The following MYO9A variants were observed in gnomAD, a reference collection of about 807,000 sequenced individuals.
MYO9A encodes unconventional myosin-IXa.
MYO9A carries 103 observed loss-of-function variants against 293.3 expected under a neutral mutation model. That is an observed-to-expected ratio of 0.35 (90% confidence interval 0.30 to 0.41). The LOEUF is 0.41. Among genes scored for constraint, MYO9A ranks in the 10% least tolerant of loss-of-function variants. MYO9A has a pLI of 1.00. For missense variants in MYO9A, 2,685 were observed against 3,033.0 expected (o/e 0.89, Z 2.69); for synonymous variants, 1,001 against 1,035.7 (o/e 0.97, Z 0.64).
At chr15:71,876,976 A>G (rs1241057808) in intron 31 of MYO9A, among the ~76,000 whole-genome samples, 3 of 152,208 alleles carry the variant, frequency 2.0e-5, no homozygotes, top group Non-Finnish European at 4.4e-5. Flanking sequence ...CTAGAACTGA[A>G]GAACTGTCCA....
chr15:72,056,054 C>T (rs1372154344), intron 1 of MYO9A, among the ~76,000 whole-genome samples: 1 of 152,070 alleles, frequency 6.6e-6, no homozygotes, highest in East Asian at 1.9e-4. Flanking sequence ...ATGGCGAAAC[C>T]CCATCCCTAA....
rs1262346051 is a variant in MYO9A, at chr15:71,841,366, A to AT, written c.6837+7478dup. Reference sequence around the variant, plus strand: ...GATGTTGGATTTTGGGTTCAGATATATTTTTTATCATGCTAAGAATGTAAG... The same window carrying AT: ...GATGTTGGATTTTGGGTTCAGATATATTTTTTTATCATGCTAAGAATGTAAG... On this transcript the variant is annotated intron_variant, in intron 39 of 41. Transcript: ENST00000356056. 3.3e-5 allele frequency among the ~76,000 whole-genome samples: 5 copies of AT among 152,126 alleles called. No individual in the cohort carries two copies. In the South Asian group the frequency reaches 1.0e-3, roughly 31 times the overall value.
intron 1 of MYO9A, among the ~76,000 whole-genome samples, chr15:72,105,224 CTCTTT>C (rs1226123501): frequency 6.6e-6 from 1 of 151,950 alleles, no homozygotes; most frequent in Non-Finnish European, 1.5e-5. Context: ...TTCCTTTTTT[CTCTTT>C]TAAGAGACAG....
chr15:71,944,699 T>C (rs1390792771), intron 15 of MYO9A, among the ~76,000 whole-genome samples: 3 of 151,932 alleles, frequency 2.0e-5, no homozygotes, highest in Non-Finnish European at 4.4e-5. Context: ...ATTTGGTTCA[T>C]TAATCCATTG....
intron 31 of MYO9A, among the ~76,000 whole-genome samples, chr15:71,877,352 A>C (rs1312698362): frequency 1.3e-5 from 2 of 152,240 alleles, no homozygotes; most frequent in Non-Finnish European, 2.9e-5. Flanking sequence ...TTTTCCTAAA[A>C]CCTAATTCAA....
intron 39 of MYO9A, among the ~76,000 whole-genome samples, chr15:71,837,140 A>C (rs907191484): frequency 6.6e-6 from 1 of 152,088 alleles, no homozygotes. Flanking sequence ...TGAGTTTGGC[A>C]AGAAAGAAAG....
At chr15:72,101,877 C>G (rs1417102776) in intron 1 of MYO9A, among the ~76,000 whole-genome samples, 2 of 150,186 alleles carry the variant, frequency 1.3e-5, no homozygotes, top group Non-Finnish European at 2.9e-5. Flanking sequence ...GGGGGGTCAG[C>G]CCCCGACCGG....
rs1165071714 is a variant in MYO9A at position 71,826,570 on chromosome 15, A to G, written c.*10T>C. 4 of 1,568,072 alleles carry G rather than the reference A, an allele frequency of 2.6e-6. No homozygotes were observed. In the South Asian group the frequency reaches 3.7e-5, roughly 14 times the overall value. On this transcript the variant is annotated 3_prime_UTR_variant, in exon 42 of 42. Coordinates refer to ENST00000356056, the MANE Select transcript of MYO9A (RefSeq NM_006901.4). ...ACTCTGTAGCCACGGAGGGACACAC[A>G]TCTGCCGGTTCAGACCATAAATTCA...
At chr15:71,834,455 C>T (rs1180954567) in intron 39 of MYO9A, among the ~76,000 whole-genome samples, 1 of 152,074 alleles carries the variant, frequency 6.6e-6, no homozygotes, top group African/African-American at 2.4e-5. Flanking sequence ...AGTTTGATAA[C>T]AAAACACAAC....
intron 3 of MYO9A, 40 bp from the exon 4 acceptor site, chr15:72,027,833 T>G: frequency 7.1e-7 from 1 of 1,403,712 alleles, no homozygotes; most frequent in Non-Finnish European, 1.0e-6. Flanking sequence ...AATAATAAAG[T>G]TTAATATAAG....
chr15:72,068,770 C>T (rs1404723878), intron 1 of MYO9A, among the ~76,000 whole-genome samples: 1 of 152,236 alleles, frequency 6.6e-6, no homozygotes, highest in Non-Finnish European at 1.5e-5. Context: ...AGCCACCATA[C>T]CCAGCCATAT....
intron 36 of MYO9A, among the ~76,000 whole-genome samples, chr15:71,851,895 A>G (rs2055664352): frequency 2.0e-5 from 3 of 152,204 alleles, no homozygotes; most frequent in Non-Finnish European, 2.9e-5. Context: ...TCTTTGTAAG[A>G]AGCAACCAAG....
intron 32 of MYO9A, among the ~76,000 whole-genome samples, chr15:71,865,022 GTA>G (rs528350106): frequency 1.9e-3 from 283 of 152,266 alleles, no homozygotes; most frequent in African/African-American, 6.4e-3. Context: ...CATTTAACCT[GTA>G]TATGATTTTA....
At chr15:71,885,318 T>C (rs12903304) in intron 27 of MYO9A, among the ~76,000 whole-genome samples, 9,779 of 152,238 alleles carry the variant, frequency 0.064, 455 homozygotes, top group Non-Finnish European at 0.1. Context: ...GTAAATAATA[T>C]TCACAGTTGA....
chr15:71,928,368 T>C (rs908553928), intron 18 of MYO9A, among the ~76,000 whole-genome samples: 3 of 151,790 alleles, frequency 2.0e-5, no homozygotes, highest in African/African-American at 7.3e-5. Context: ...TTAAATCAGG[T>C]AGTGTGAGCC....
intron 32 of MYO9A, among the ~76,000 whole-genome samples, chr15:71,870,864 T>C (rs2056488996): frequency 6.6e-6 from 1 of 152,206 alleles, no homozygotes; most frequent in Non-Finnish European, 1.5e-5. Flanking sequence ...TTTGGATTCA[T>C]AGTTGGTTGA....
rs140452071 is a variant in MYO9A, at chr15:71,959,624, A to G, written c.2182+277T>C. On this transcript the variant is annotated intron_variant, in intron 14 of 41. Coordinates refer to ENST00000356056, the MANE Select transcript of MYO9A (RefSeq NM_006901.4). Reference sequence around the variant, plus strand: ...TAAATTTCAAAGTTTTTAAAAATCCATGAACTAAGAGTAAAGGAAAAGAAA... The same window carrying G: ...TAAATTTCAAAGTTTTTAAAAATCCGTGAACTAAGAGTAAAGGAAAAGAAA... 8.1e-4 allele frequency: 214 copies of G among 265,176 alleles called. 3 individuals carry two copies. The East Asian group carries it at 0.014, about 17-fold the overall frequency. The allele number at this position is 265,176 out of a possible 1,614,324, so 16.4% of individuals were successfully genotyped here. A position where few individuals can be genotyped will look rare whatever the true frequency, so the allele number is the denominator to read the frequency against.
intron 1 of MYO9A, among the ~76,000 whole-genome samples, chr15:72,060,586 A>G (rs139182024): frequency 3.9e-5 from 6 of 152,228 alleles, no homozygotes; most frequent in Non-Finnish European, 7.4e-5. Flanking sequence ...CTGCCCCGTC[A>G]CAGGAGAAAG....
intron 1 of MYO9A, among the ~76,000 whole-genome samples, chr15:72,064,456 ATAAAAAT>A (rs775284471): frequency 1.3e-5 from 2 of 152,236 alleles, no homozygotes; most frequent in African/African-American, 2.4e-5. Context: ...CTATGTATCC[ATAAAAAT>A]TAAAGTTTTA....
Sources: allele counts gnomAD v4.1 joint callset (sites outside exome capture counted in the v4.1 genomes callset), GRCh38; gene constraint gnomAD v4.1.1; transcripts MANE v1.5; gene names NCBI Gene and HGNC (gene_info 2026-07-23, HGNC 2026-07-21).